SLCO2A1: variants seen among roughly 807,000 people sequenced by gnomAD.
SLCO2A1 encodes the protein solute carrier organic anion transporter family member 2A1, also known as matrin F/G 1.
SLCO2A1 carries 60 observed loss-of-function variants against 71.7 expected under a neutral mutation model. The observed-to-expected ratio is 0.84, with a 90% CI of 0.68 to 1.04. SLCO2A1 has a LOEUF of 1.04. SLCO2A1 is among the 50% of genes least tolerant of loss of function. The pLI is 0.00. For synonymous variants in SLCO2A1, 308 were observed against 326.7 expected (o/e 0.94, Z 0.62); for missense variants, 745 against 813.4 (o/e 0.92, Z 1.02).
intron 13 of SLCO2A1, 75 bp downstream of exon 13, chr3:133,935,699 C>G: frequency 7.0e-7 from 1 of 1,424,634 alleles, no homozygotes. Context: ...CCCACAGTAG[C>G]CACTGGGCAT....
At position 133,947,235 on chromosome 3, in the gene SLCO2A1, T is replaced by TC. The variant is rs760713289; in HGVS notation, c.1295+20dup. On this transcript the variant is annotated intron_variant, in intron 9 of 13. Transcript: ENST00000310926. ...CCCTGGCCTTATTAAAGGGGATCTC[T>TC]CTACCCCTTATTCCCATTACCTAGG... 3 of 1,605,198 alleles carry TC rather than the reference T, an allele frequency of 1.9e-6. No homozygotes were observed. The East Asian group carries it at 6.7e-5, about 36-fold the overall frequency.
chr3:134,004,639 G>T (rs1478863697), intron 1 of SLCO2A1, among the ~76,000 whole-genome samples: 1 of 152,140 alleles, frequency 6.6e-6, no homozygotes, highest in Non-Finnish European at 1.5e-5. Context: ...CAGCCACAAG[G>T]ATTCTTAAAA....
chr3:133,971,337 T>C lies in SLCO2A1; in HGVS notation c.397+2326A>G, dbSNP rs938134048. Among the ~76,000 whole-genome samples the C allele has an allele frequency of 3.9e-5, 6 of 152,346 alleles. No homozygotes were observed. In the South Asian group the frequency reaches 1.2e-3, roughly 32 times the overall value. On this transcript the variant is annotated intron_variant, in intron 3 of 13. Transcript: ENST00000310926. ...ATTAGACCAAGGGGGAGAAAGTGTA[T>C]GGCAGGAGCCTGGGGCTCGGATCTT...
rs535496495 is a variant in SLCO2A1 at position 134,011,358 on chromosome 3, A to C, written c.96+18349T>G. Among the ~76,000 whole-genome samples, 10 of 152,230 alleles carry C rather than the reference A, an allele frequency of 6.6e-5. No homozygotes were observed. In the East Asian group the frequency reaches 1.7e-3, roughly 27 times the overall value. The stretch of plus-strand genomic sequence containing the variant: ...GCCACTGTGCCCAGCCTACACATTA[A>C]ATTTACACATGGATTCAGTGGGCCC... On this transcript the variant is annotated intron_variant, in intron 1 of 13. Transcript: ENST00000310926.
chr3:134,015,048 A>T (rs1935417920), intron 1 of SLCO2A1, among the ~76,000 whole-genome samples: 2 of 152,158 alleles, frequency 1.3e-5, no homozygotes, highest in African/African-American at 4.8e-5. Flanking sequence ...TAAAAGCCAG[A>T]ATAGAAGAAA....
intron 3 of SLCO2A1, among the ~76,000 whole-genome samples, chr3:133,967,203 T>C (rs1934201370): frequency 6.6e-6 from 1 of 152,228 alleles, no homozygotes; most frequent in South Asian, 2.1e-4. Flanking sequence ...TGATCAGGCA[T>C]GCCTGAGGGT....
chr3:133,961,890 C>T (rs981934764), intron 3 of SLCO2A1, among the ~76,000 whole-genome samples: 4 of 152,084 alleles, frequency 2.6e-5, no homozygotes, highest in Admixed American at 2.0e-4. Context: ...AATGCAACCC[C>T]GAGGTCAGTG....
At chr3:133,940,051 T>A (rs1006405373) in intron 11 of SLCO2A1, among the ~76,000 whole-genome samples, 4 of 139,244 alleles carry the variant, frequency 2.9e-5, no homozygotes, top group Admixed American at 7.7e-5. Context: ...CACTGCAACC[T>A]CCACTTCCCA....
intron 1 of SLCO2A1, among the ~76,000 whole-genome samples, chr3:134,012,504 T>C (rs1246415529): frequency 6.6e-6 from 1 of 152,210 alleles, no homozygotes; most frequent in Non-Finnish European, 1.5e-5. Context: ...TTTGAGCAGA[T>C]GAGCTTTCTC....
rs897770458 is a variant in SLCO2A1 at position 133,935,868 on chromosome 3, G to A, written c.1720C>T (p.Leu574Phe). 6.2e-7 allele frequency: 1 copy of A among 1,607,670 alleles called. No homozygotes were observed. Among genetic ancestry groups the A allele is most frequent in the Non-Finnish European group, 8.5e-7 (1 of 1,176,344 alleles). ...CGGATGCAGGAGTGGTCAATGGTGAGGCCATAGAGGGCTGGAGATGGCAGC... is the reference window on the plus strand; with the variant it reads ...CGGATGCAGGAGTGGTCAATGGTGAAGCCATAGAGGGCTGGAGATGGCAGC... ...AWLPSPALYG[L>F]TIDHSCIRWN... Residue 574 changes from leucine to phenylalanine, a missense_variant, in exon 13 of 14, where the codon CTC (leucine) becomes TTC (phenylalanine). Leu to Phe is a conservative substitution (Grantham distance 22, BLOSUM62 0). Transcript: ENST00000310926.
At chr3:133,934,938 A>G (rs1933232198) in intron 13 of SLCO2A1, 108 bp from the exon 14 acceptor site, 1 of 824,024 alleles carries the variant, frequency 1.2e-6, no homozygotes, top group Non-Finnish European at 2.0e-6. Context: ...GGCCCGCGGA[A>G]GGTGTGGGCA....
intron 3 of SLCO2A1, among the ~76,000 whole-genome samples, chr3:133,955,736 G>A (rs1312617917): frequency 6.6e-6 from 1 of 152,166 alleles, no homozygotes; most frequent in African/African-American, 2.4e-5. Flanking sequence ...GACTCCCAGG[G>A]CCTTTGCTTC....
At chr3:134,009,396 T>A (rs1197131510) in intron 1 of SLCO2A1, among the ~76,000 whole-genome samples, 1 of 152,220 alleles carries the variant, frequency 6.6e-6, no homozygotes, top group African/African-American at 2.4e-5. Flanking sequence ...TAAGACTTTT[T>A]AAAAAATGAT....
chr3:133,947,133 C>CAAAA, intron 9 of SLCO2A1, 123 bp downstream of exon 9: 5 of 666,636 alleles, frequency 7.5e-6, no homozygotes, highest in South Asian at 2.6e-5. Flanking sequence ...GACTCTGTCT[C>CAAAA]AAAAAAAAAA....
intron 3 of SLCO2A1, among the ~76,000 whole-genome samples, chr3:133,965,262 C>G (rs901730516): frequency 1.3e-5 from 2 of 152,172 alleles, no homozygotes; most frequent in South Asian, 2.1e-4. Context: ...TTGGAAGAAG[C>G]CTTTTGACAA....
intron 3 of SLCO2A1, among the ~76,000 whole-genome samples, chr3:133,956,335 G>A (rs2108046518): frequency 6.6e-6 from 1 of 152,244 alleles, no homozygotes; most frequent in Non-Finnish European, 1.5e-5. Flanking sequence ...AGAGGGGTCT[G>A]TGCTCTTCAT....
intron 1 of SLCO2A1, among the ~76,000 whole-genome samples, chr3:133,982,550 C>A (rs551356015): frequency 6.6e-6 from 1 of 152,282 alleles, no homozygotes; most frequent in Non-Finnish European, 1.5e-5. Context: ...ATTTTTCCTT[C>A]ATTCCCCATC....
chr3:133,962,075 T>A (rs1934050361), intron 3 of SLCO2A1, among the ~76,000 whole-genome samples: 1 of 152,154 alleles, frequency 6.6e-6, no homozygotes, highest in African/African-American at 2.4e-5. Flanking sequence ...AATTTATTTT[T>A]ATTTTATTTT....
chr3:134,017,552 G>A (rs977724233), intron 1 of SLCO2A1, among the ~76,000 whole-genome samples: 2 of 152,188 alleles, frequency 1.3e-5, no homozygotes, highest in African/African-American at 4.8e-5. Flanking sequence ...CAGAACAGGG[G>A]CCAAACTAGC....
Sources: allele counts gnomAD v4.1 joint callset (sites outside exome capture counted in the v4.1 genomes callset), GRCh38; gene constraint gnomAD v4.1.1; transcripts MANE v1.5; gene names NCBI Gene and HGNC (gene_info 2026-07-23, HGNC 2026-07-21).